SLC24A3: variants seen among roughly 807,000 people sequenced by gnomAD.
SLC24A3 encodes solute carrier family 24 member 3.
SLC24A3 carries 28 observed loss-of-function variants against 75.8 expected under a neutral mutation model. That is an observed-to-expected ratio of 0.37 (90% confidence interval 0.27 to 0.51). SLC24A3 has a LOEUF of 0.51. Among genes scored for constraint, SLC24A3 ranks in the 20% least tolerant of loss-of-function variants. SLC24A3 has a pLI of 0.94. For synonymous variants in SLC24A3, 372 were observed against 334.1 expected (o/e 1.11, Z -1.24); for missense variants, 663 against 847.8 (o/e 0.78, Z 2.71).
intron 2 of SLC24A3, among the ~76,000 whole-genome samples, chr20:19,367,578 A>G (rs996268172): frequency 2.0e-5 from 3 of 152,046 alleles, no homozygotes; most frequent in African/African-American, 7.2e-5. Context: ...AGGTGGCGTC[A>G]CAGTTGTCTA....
chr20:19,422,357 C>G (rs1986931158), intron 2 of SLC24A3, among the ~76,000 whole-genome samples: 1 of 152,054 alleles, frequency 6.6e-6, no homozygotes, highest in Non-Finnish European at 1.5e-5. Context: ...GTGCCTTTGT[C>G]AAGCAGGTAG....
intron 6 of SLC24A3, among the ~76,000 whole-genome samples, chr20:19,651,181 G>A (rs2032197561): frequency 6.6e-6 from 1 of 151,794 alleles, no homozygotes; most frequent in African/African-American, 2.4e-5. Flanking sequence ...AGCTTTTTCA[G>A]AAAGGACACA....
chr20:19,474,508 G>C (rs1422422199), intron 2 of SLC24A3, among the ~76,000 whole-genome samples: 1 of 152,196 alleles, frequency 6.6e-6, no homozygotes, highest in Non-Finnish European at 1.5e-5. Flanking sequence ...TACCAAGACT[G>C]ATTAATGGTA....
intron 3 of SLC24A3, among the ~76,000 whole-genome samples, chr20:19,553,145 A>G (rs2030727600): frequency 1.2e-5 from 1 of 86,210 alleles, no homozygotes; most frequent in African/African-American, 3.1e-5. Context: ...GGCAAATCAC[A>G]AGCAGCTTAC....
At chr20:19,517,848 T>A (rs1475999385) in intron 3 of SLC24A3, among the ~76,000 whole-genome samples, 4 of 152,184 alleles carry the variant, frequency 2.6e-5, no homozygotes, top group African/African-American at 7.2e-5. Flanking sequence ...GTGTCCAACG[T>A]GAGGCCAGGT....
At chr20:19,614,523 G>T (rs1261951020) in intron 6 of SLC24A3, among the ~76,000 whole-genome samples, 1 of 152,168 alleles carries the variant, frequency 6.6e-6, no homozygotes, top group East Asian at 1.9e-4. Context: ...ACAGAACCTG[G>T]CAAAGATCGC....
At chr20:19,471,418 T>C (rs561810099) in intron 2 of SLC24A3, among the ~76,000 whole-genome samples, 1 of 152,312 alleles carries the variant, frequency 6.6e-6, no homozygotes, top group Admixed American at 6.5e-5. Flanking sequence ...CTAATGCATT[T>C]CTCTTTTTGC....
At chr20:19,483,288 T>A (rs937505243) in intron 2 of SLC24A3, among the ~76,000 whole-genome samples, 2 of 152,178 alleles carry the variant, frequency 1.3e-5, no homozygotes, top group Non-Finnish European at 2.9e-5. Context: ...TCTTAGCAGA[T>A]TTTTTACTGA....
At chr20:19,639,467 G>C (rs1219862444) in intron 6 of SLC24A3, among the ~76,000 whole-genome samples, 3 of 152,234 alleles carry the variant, frequency 2.0e-5, no homozygotes, top group Non-Finnish European at 4.4e-5. Context: ...TACAAACCTT[G>C]AGCTAGATAC....
intron 12 of SLC24A3, among the ~76,000 whole-genome samples, chr20:19,690,756 T>C (rs1488410148): frequency 1.3e-5 from 2 of 152,224 alleles, no homozygotes; most frequent in Non-Finnish European, 2.9e-5. Context: ...CCAGGCTTCT[T>C]GATTTACAAA....
intron 2 of SLC24A3, among the ~76,000 whole-genome samples, chr20:19,342,486 G>A (rs1477350992): frequency 6.6e-6 from 1 of 152,154 alleles, no homozygotes. Flanking sequence ...CAATTATACA[G>A]CAATCATACA....
intron 2 of SLC24A3, among the ~76,000 whole-genome samples, chr20:19,333,893 G>A (rs913106785): frequency 1.3e-5 from 2 of 152,050 alleles, no homozygotes; most frequent in Admixed American, 1.3e-4. Flanking sequence ...TAATGTGTGA[G>A]GTCAAACTGC....
chr20:19,617,870 G>A (rs1486816731), intron 6 of SLC24A3, among the ~76,000 whole-genome samples: 1 of 152,184 alleles, frequency 6.6e-6, no homozygotes, highest in East Asian at 1.9e-4. Flanking sequence ...ATAATGAAAA[G>A]ACTAAAGGGC....
At chr20:19,346,898 C>A (rs182245973) in intron 2 of SLC24A3, among the ~76,000 whole-genome samples, 35 of 152,138 alleles carry the variant, frequency 2.3e-4, no homozygotes, top group Admixed American at 2.1e-3. Context: ...TGTTTAAACA[C>A]ACAAACAGTA....
At chr20:19,389,914 A>C (rs1300022286) in intron 2 of SLC24A3, among the ~76,000 whole-genome samples, 1 of 151,836 alleles carries the variant, frequency 6.6e-6, no homozygotes, top group Non-Finnish European at 1.5e-5. Context: ...TCACTCTTTA[A>C]ATTTTTGGTG....
chr20:19,491,021 A>G (rs1233314564), intron 2 of SLC24A3, among the ~76,000 whole-genome samples: 2 of 152,214 alleles, frequency 1.3e-5, no homozygotes, highest in Admixed American at 1.3e-4. Context: ...AACATTCACA[A>G]AACTCAACTT....
chr20:19,224,170 T>A (rs559999782), intron 1 of SLC24A3, among the ~76,000 whole-genome samples: 1 of 151,748 alleles, frequency 6.6e-6, no homozygotes, highest in South Asian at 2.1e-4. Context: ...TTACACACAG[T>A]TTTATCACCT....
chr20:19,681,743 A>T (rs2032617774), intron 9 of SLC24A3, 115 bp from the exon 10 acceptor site: 1 of 1,520,288 alleles, frequency 6.6e-7, no homozygotes. Flanking sequence ...TAATAACTTG[A>T]GGCCTGGTGA....
intron 1 of SLC24A3, among the ~76,000 whole-genome samples, chr20:19,230,230 G>T (rs1981981528): frequency 6.6e-6 from 1 of 152,130 alleles, no homozygotes; most frequent in Admixed American, 6.5e-5. Context: ...GGTCACAATT[G>T]TCAGGTTACT....
Sources: allele counts gnomAD v4.1 joint callset (sites outside exome capture counted in the v4.1 genomes callset), GRCh38; gene constraint gnomAD v4.1.1; transcripts MANE v1.5; gene names NCBI Gene and HGNC (gene_info 2026-07-23, HGNC 2026-07-21).